ANKS1B: variants seen among roughly 807,000 people sequenced by gnomAD.
ANKS1B encodes ankyrin repeat and sterile alpha motif domain containing 1B, also known as ankyrin repeat and sterile alpha motif domain-containing protein 1B.
Under a neutral mutation model 148.3 loss-of-function variants are expected in ANKS1B, and 36 were observed. The observed-to-expected ratio is 0.24, with a 90% CI of 0.19 to 0.32. The LOEUF is 0.32. ANKS1B is among the 10% of genes least tolerant of loss of function. The pLI is 1.00. For synonymous variants in ANKS1B, 542 were observed against 560.8 expected, an observed-to-expected ratio of 0.97 and a Z score of 0.47; for missense variants, 1,157 against 1,542.6, an observed-to-expected ratio of 0.75 and a Z score of 4.19.
At chr12:99,306,356 T>C (rs1336625236) in intron 12 of ANKS1B, among the ~76,000 whole-genome samples, 1 of 152,072 alleles carries the variant, frequency 6.6e-6, no homozygotes, top group East Asian at 1.9e-4. Context: ...TTGTAACCCC[T>C]AGCAAAGACT....
At position 99,984,372 on chromosome 12, in the gene ANKS1B, C is replaced by G; in HGVS notation, c.-135G>C. On this transcript the variant is annotated 5_prime_UTR_variant, in exon 1 of 27. Transcript: ENST00000683438. ...CAAGAGCTTCAGCACGGAGAGCTCC[C>G]TGCAGCCCCAGGCAGGGAGCACGAC... 1 of 618,668 alleles carries G rather than the reference C, an allele frequency of 1.6e-6. No homozygotes were observed. The highest frequency in any genetic ancestry group is 2.6e-6 in the Non-Finnish European group (1 of 385,604). The allele number at this position is 618,668 out of a possible 1,614,324, so 38.3% of individuals were successfully genotyped here. A position where few individuals can be genotyped will look rare whatever the true frequency, so the allele number is the denominator to read the frequency against.
downstream of ANKS1B, among the ~76,000 whole-genome samples, chr12:98,739,885 T>C (rs1419541863): frequency 4.6e-5 from 7 of 152,238 alleles, no homozygotes; most frequent in African/African-American, 1.7e-4. Flanking sequence ...CTGCTGCTTC[T>C]GCTCCATGGC....
intron 14 of ANKS1B, among the ~76,000 whole-genome samples, chr12:99,196,201 A>C (rs1470590029): frequency 6.6e-6 from 1 of 152,198 alleles, no homozygotes; most frequent in Non-Finnish European, 1.5e-5. Flanking sequence ...ATAATCAGGC[A>C]TAACAATAAA....
At chr12:99,150,994 G>A (rs973720873) in intron 15 of ANKS1B, among the ~76,000 whole-genome samples, 1 of 152,094 alleles carries the variant, frequency 6.6e-6, no homozygotes, top group African/African-American at 2.4e-5. Flanking sequence ...GTGACCTGAT[G>A]TACTTCTGAA....
intron 9 of ANKS1B, among the ~76,000 whole-genome samples, chr12:99,597,183 CT>C (rs1162329272): frequency 1.3e-5 from 2 of 151,614 alleles, no homozygotes; most frequent in Non-Finnish European, 2.9e-5. Context: ...GCCAGGAAGT[CT>C]TCTTAGTGGT....
intron 9 of ANKS1B, among the ~76,000 whole-genome samples, chr12:99,526,701 A>G (rs2096930103): frequency 6.6e-6 from 1 of 152,182 alleles, no homozygotes; most frequent in Non-Finnish European, 1.5e-5. Context: ...ACATTTGAAA[A>G]CAAAAAATCT....
At chr12:99,824,369 G>C (rs913378403) in intron 2 of ANKS1B, among the ~76,000 whole-genome samples, 2 of 152,112 alleles carry the variant, frequency 1.3e-5, no homozygotes, top group South Asian at 4.1e-4. Flanking sequence ...GCGTGGTGGT[G>C]GGCATCTGTA....
At chr12:99,125,025 A>G (rs2153735081) in intron 15 of ANKS1B, among the ~76,000 whole-genome samples, 1 of 152,334 alleles carries the variant, frequency 6.6e-6, no homozygotes, top group South Asian at 2.1e-4. Flanking sequence ...AGGTTTTGCT[A>G]TAAAGTGAGC....
intron 14 of ANKS1B, among the ~76,000 whole-genome samples, chr12:99,188,476 G>A (rs1010846479): frequency 7.2e-5 from 11 of 151,882 alleles, no homozygotes; most frequent in Admixed American, 5.9e-4. Context: ...GCAAAAGAAC[G>A]GAAATCATAA....
At chr12:99,154,068 A>G (rs1443380836) in intron 15 of ANKS1B, among the ~76,000 whole-genome samples, 1 of 152,230 alleles carries the variant, frequency 6.6e-6, no homozygotes, top group African/African-American at 2.4e-5. Flanking sequence ...CAGTTCATTC[A>G]TATAACACAT....
intron 17 of ANKS1B, among the ~76,000 whole-genome samples, chr12:99,052,494 G>A (rs550447971): frequency 8.1e-5 from 12 of 148,610 alleles, no homozygotes; most frequent in Non-Finnish European, 1.6e-4. Context: ...TTGGGAGGCC[G>A]AGGCGGGTGG....
At chr12:99,871,514 TTAA>T (rs773261351) in intron 1 of ANKS1B, among the ~76,000 whole-genome samples, 27 of 152,316 alleles carry the variant, frequency 1.8e-4, no homozygotes, top group Non-Finnish European at 3.5e-4. Flanking sequence ...TATGGCCATT[TTAA>T]TAATATTGAT....
At chr12:98,887,260 C>T (rs2099742122) in intron 17 of ANKS1B, among the ~76,000 whole-genome samples, 1 of 152,224 alleles carries the variant, frequency 6.6e-6, no homozygotes, top group Non-Finnish European at 1.5e-5. Context: ...GTGATTCCAA[C>T]TCTGAGGTGG....
chr12:99,439,885 G>A (rs562480340), intron 11 of ANKS1B, among the ~76,000 whole-genome samples: 3 of 151,650 alleles, frequency 2.0e-5, no homozygotes, highest in East Asian at 1.9e-4. Context: ...GGGAAACAAC[G>A]CAAGGATCAA....
intron 12 of ANKS1B, among the ~76,000 whole-genome samples, chr12:99,355,943 A>C (rs1766282795): frequency 6.6e-6 from 1 of 152,124 alleles, no homozygotes; most frequent in Non-Finnish European, 1.5e-5. Context: ...GGAAATTATA[A>C]TAAAATTATT....
chr12:99,303,939 T>C (rs901285123), intron 12 of ANKS1B, among the ~76,000 whole-genome samples: 3 of 152,176 alleles, frequency 2.0e-5, no homozygotes, highest in African/African-American at 7.2e-5. Context: ...TCCATCTAGG[T>C]TGCTGAGAAT....
At chr12:99,576,115 A>G (rs2097516635) in intron 9 of ANKS1B, among the ~76,000 whole-genome samples, 1 of 152,162 alleles carries the variant, frequency 6.6e-6, no homozygotes, top group East Asian at 1.9e-4. Flanking sequence ...TTGAGACAAA[A>G]CAGATTTTAA....
At chr12:99,260,226 C>T (rs61940213) in intron 12 of ANKS1B, among the ~76,000 whole-genome samples, 30 of 152,158 alleles carry the variant, frequency 2.0e-4, no homozygotes, top group Middle Eastern at 3.4e-3. Context: ...AAAAGATCTA[C>T]GATCTTTAAA....
At chr12:98,951,761 G>A (rs140365921) in intron 17 of ANKS1B, among the ~76,000 whole-genome samples, 54 of 152,158 alleles carry the variant, frequency 3.5e-4, no homozygotes, top group East Asian at 2.9e-3. Flanking sequence ...CCATCTCTCC[G>A]TCAGCCAGAA....
Sources: gnomAD v4.1 joint callset for allele counts (sites outside exome capture counted in the v4.1 genomes callset) on GRCh38, gnomAD v4.1.1 for gene constraint, MANE v1.5 for transcripts, NCBI Gene and HGNC (gene_info 2026-07-23, HGNC 2026-07-21) for gene names.